The following MROH7 variants were observed in gnomAD, a reference collection of about 807,000 sequenced individuals.
The protein encoded by MROH7 is maestro heat like repeat family member 7.
In MROH7, 113 loss-of-function variants were observed where a neutral mutation model predicts 129.2. The ratio of observed to expected loss-of-function variants is 0.87; its 90% confidence interval spans 0.75 to 1.02. The LOEUF is 1.02. MROH7 is among the 50% of genes least tolerant of loss of function. The probability of loss-of-function intolerance (pLI) is 0.00; values close to 1 mark genes in which losing one functional copy is unlikely to be tolerated. For synonymous variants in MROH7, 655 were observed against 667.9 expected (o/e 0.98, Z 0.30); for missense variants, 1,601 against 1,671.3 (o/e 0.96, Z 0.73).
At chr1:54,699,158 C>CTTTCTTTCTTTCTTTCT (rs1320134459) in intron 17 of MROH7, 4 of 67,950 alleles carry the variant, frequency 5.9e-5, no homozygotes, top group East Asian at 1.0e-3. Flanking sequence ...TTCTTTCTTT[C>CTTTCTTTCTTTCTTTCT]TTTTCTTTCT....
chr1:54,679,143 C>T (rs1024157032), intron 11 of MROH7, 120 bp from the exon 12 acceptor site: 4 of 1,009,136 alleles, frequency 4.0e-6, no homozygotes, highest in Non-Finnish European at 3.1e-6. Flanking sequence ...TATTCCTGGC[C>T]CTCCCTGCTG....
intron 10 of MROH7, among the ~76,000 whole-genome samples, chr1:54,677,267 C>A (rs1162993724): frequency 6.6e-6 from 1 of 152,172 alleles, no homozygotes; most frequent in Non-Finnish European, 1.5e-5. Context: ...CGTGTGGTGG[C>A]GCATGCCTAT....
intron 17 of MROH7, chr1:54,699,093 C>CTT (rs1553176852): frequency 9.3e-6 from 1 of 107,982 alleles, no homozygotes; most frequent in Non-Finnish European, 2.1e-5. Context: ...CTTGCCTGGC[C>CTT]TTTTCTTTCT....
chr1:54,700,876 A>G (rs962047375), intron 18 of MROH7, among the ~76,000 whole-genome samples: 3 of 152,234 alleles, frequency 2.0e-5, no homozygotes, highest in Admixed American at 1.3e-4. Context: ...AACTAACAAC[A>G]CAGCGTGTCA....
intron 15 of MROH7, among the ~76,000 whole-genome samples, chr1:54,690,411 T>C (rs889835017): frequency 1.3e-5 from 2 of 151,408 alleles, no homozygotes; most frequent in Non-Finnish European, 2.9e-5. Flanking sequence ...CTACGAATGA[T>C]GCAGTTCTGA....
chr1:54,644,430 C>T (rs1488713279), intron 1 of MROH7, among the ~76,000 whole-genome samples: 1 of 151,912 alleles, frequency 6.6e-6, no homozygotes, highest in Non-Finnish European at 1.5e-5. Context: ...GCAACCTCCA[C>T]CTCCTGGGTT....
chr1:54,700,297 A>T, intron 17 of MROH7, 24 bp from the exon 18 acceptor site: 1 of 1,613,976 alleles, frequency 6.2e-7, no homozygotes. Context: ...CAGCCTGGGA[A>T]GTAATGACCC....
At chr1:54,676,068 A>G (rs922525271) in intron 10 of MROH7, among the ~76,000 whole-genome samples, 10 of 152,216 alleles carry the variant, frequency 6.6e-5, no homozygotes, top group African/African-American at 2.2e-4. Context: ...CAGGTAAACA[A>G]TGGGTAATTT....
At chr1:54,679,798 C>T (rs1645040109) in intron 12 of MROH7, 93 bp from the exon 13 acceptor site, 1 of 1,268,568 alleles carries the variant, frequency 7.9e-7, no homozygotes, top group Admixed American at 1.8e-5. Context: ...GTCCTCTAGC[C>T]TGTCACCCCC....
chr1:54,683,987 G>T (rs1175213486), intron 14 of MROH7, among the ~76,000 whole-genome samples: 5 of 152,240 alleles, frequency 3.3e-5, no homozygotes, highest in Non-Finnish European at 7.3e-5. Flanking sequence ...TGAGACACAT[G>T]AAGACATTGC....
At chr1:54,643,844 G>C (rs1034627797) in intron 1 of MROH7, among the ~76,000 whole-genome samples, 4 of 152,134 alleles carry the variant, frequency 2.6e-5, no homozygotes, top group African/African-American at 4.8e-5. Flanking sequence ...TATAGAATGT[G>C]TGGTTGAGAA....
chr1:54,646,989 G>A (rs983809882), intron 1 of MROH7, among the ~76,000 whole-genome samples: 1 of 152,152 alleles, frequency 6.6e-6, no homozygotes, highest in Admixed American at 6.5e-5. Context: ...TCCTTTTAGT[G>A]GCTGAATAAT....
At chr1:54,685,120 GAT>G (rs1645127889) in intron 14 of MROH7, among the ~76,000 whole-genome samples, 1 of 151,856 alleles carries the variant, frequency 6.6e-6, no homozygotes, top group African/African-American at 2.4e-5. Context: ...GGGTTGCAGT[GAT>G]TCTCATGCCT....
chr1:54,663,693 A>C (rs1271358781), intron 3 of MROH7: 8 of 396,450 alleles, frequency 2.0e-5, no homozygotes, highest in African/African-American at 1.4e-4. Context: ...TCTAAAAAAA[A>C]AAAAAAAACA....
chr1:54,692,844 A>G (rs1645261193), intron 16 of MROH7, among the ~76,000 whole-genome samples: 1 of 152,194 alleles, frequency 6.6e-6, no homozygotes, highest in South Asian at 2.1e-4. Flanking sequence ...CCATGCCAAA[A>G]CAGAAATGGT....
chr1:54,667,781 A>AG (rs1644835487), intron 4 of MROH7, among the ~76,000 whole-genome samples: 2 of 151,822 alleles, frequency 1.3e-5, no homozygotes, highest in Non-Finnish European at 2.9e-5. Context: ...GTAAAAAAAA[A>AG]AAAAATCAGC....
chr1:54,670,083 A>C (rs935302477), intron 5 of MROH7, among the ~76,000 whole-genome samples: 16 of 147,974 alleles, frequency 1.1e-4, no homozygotes, highest in Non-Finnish European at 1.6e-4. Context: ...AGAAAAAAAA[A>C]CACAAAAAAA....
rs545400465 is a variant in MROH7 at position 54,701,323 on chromosome 1, G to C, written c.3285+1G>C. 1.3e-6 allele frequency: 2 copies of C among 1,585,104 alleles called. No homozygotes were observed. Among genetic ancestry groups the C allele is most frequent in the Admixed American group, 1.7e-5 (1 of 58,044 alleles). ...GATCCTGCTGCCGCACTTCAGCGAC[G>C]TGAGGACCTCACAGAGCGAAGGAGC... On this transcript the variant is annotated splice_donor_variant, in intron 19 of 23. Coordinates refer to ENST00000421030, the MANE Select transcript of MROH7 (RefSeq NM_001039464.4). LOFTEE classifies it high-confidence loss of function.
intron 3 of MROH7, among the ~76,000 whole-genome samples, chr1:54,660,092 CTGTT>C (rs1251240854): frequency 6.6e-6 from 1 of 152,154 alleles, no homozygotes; most frequent in Non-Finnish European, 1.5e-5. Context: ...TAATCTTAGT[CTGTT>C]TGTGCTGCCA....
Sources: gnomAD v4.1 joint callset for allele counts (sites outside exome capture counted in the v4.1 genomes callset) on GRCh38, gnomAD v4.1.1 for gene constraint, MANE v1.5 for transcripts, NCBI Gene and HGNC (gene_info 2026-07-23, HGNC 2026-07-21) for gene names.